The following BCAS3 variants were observed in gnomAD, a reference collection of about 807,000 sequenced individuals.
The protein encoded by BCAS3 is BCAS4/BCAS3 fusion.
BCAS3 carries 53 observed loss-of-function variants against 116.1 expected under a neutral mutation model. The observed-to-expected ratio is 0.46, with a 90% CI of 0.37 to 0.57. The LOEUF is 0.57. Ranked by LOEUF, BCAS3 falls within the 20% of genes least tolerant of loss-of-function variation. The pLI, the probability that BCAS3 is intolerant of heterozygous loss-of-function variation, is 0.00. For missense variants in BCAS3, 917 were observed against 1,165.4 expected (o/e 0.79, Z 3.10); for synonymous variants, 391 against 408.2 (o/e 0.96, Z 0.51).
rs550799438 is a variant in BCAS3 at position 61,228,665 on chromosome 17, A to G, written c.2426-139662A>G. Among the ~76,000 whole-genome samples the G allele has an allele frequency of 1.3e-5, 2 of 152,318 alleles. No homozygotes were observed. Among genetic ancestry groups the G allele is most frequent in the East Asian group, 3.9e-4 (2 of 5,188 alleles). On this transcript the variant is annotated intron_variant, in intron 22 of 23. Transcript: ENST00000407086. The surrounding 1 kb of genome is among the most constrained non-coding windows in gnomAD (Gnocchi z 5.0). Reference sequence around the variant, plus strand: ...AATCGTTTGGGGGCACCCTCAAGCTATGCCCATGTAAAACAGCAAACTTAA... The same window carrying G: ...AATCGTTTGGGGGCACCCTCAAGCTGTGCCCATGTAAAACAGCAAACTTAA...
intron 22 of BCAS3, among the ~76,000 whole-genome samples, chr17:61,254,029 A>T (rs775744827): frequency 3.9e-5 from 6 of 152,176 alleles, no homozygotes; most frequent in Non-Finnish European, 5.9e-5. Flanking sequence ...CCTTTCTTCT[A>T]CATCAGGCCC....
chr17:60,680,639 CTT>C (rs768865456), intron 2 of BCAS3, among the ~76,000 whole-genome samples: 21 of 142,658 alleles, frequency 1.5e-4, no homozygotes, highest in Admixed American at 2.1e-4. Flanking sequence ...GATATGTATA[CTT>C]TTTTTTTTTT....
In BCAS3 at chr17:61,141,686, A is replaced by C. The variant is rs1359350965; in HGVS notation, c.2425+57122A>C. On this transcript the variant is annotated intron_variant, in intron 22 of 23. Coordinates refer to ENST00000407086, the MANE Select transcript of BCAS3 (RefSeq NM_017679.5). This position sits in a 1 kb window ranked among gnomAD's most constrained non-coding sequence, Gnocchi z 4.3. Reference sequence around the variant, plus strand: ...GAGAGGCTGAGGTGGGCGGATCACGAGGTCAAGAGATCAAGACCATCCCGG... The same window carrying C: ...GAGAGGCTGAGGTGGGCGGATCACGCGGTCAAGAGATCAAGACCATCCCGG... Among the ~76,000 whole-genome samples the C allele has an allele frequency of 1.3e-5, 2 of 151,910 alleles. No individual in the cohort carries two copies. The highest frequency in any genetic ancestry group is 2.9e-5 in the Non-Finnish European group (2 of 67,950).
At chr17:60,730,426 A>G (rs768426241) in intron 5 of BCAS3, among the ~76,000 whole-genome samples, 1 of 152,186 alleles carries the variant, frequency 6.6e-6, no homozygotes, top group Non-Finnish European at 1.5e-5. Context: ...TATCTGTTCT[A>G]TAAGTTGTTA....
At chr17:61,312,798 G>A (rs756222382) in intron 22 of BCAS3, among the ~76,000 whole-genome samples, 43 of 152,294 alleles carry the variant, frequency 2.8e-4, no homozygotes, top group Non-Finnish European at 4.9e-4. Flanking sequence ...GATTGTCAGA[G>A]CGTGAGCTTC....
intron 22 of BCAS3, among the ~76,000 whole-genome samples, chr17:61,206,173 A>G (rs1312880409): frequency 6.6e-6 from 1 of 152,126 alleles, no homozygotes; most frequent in African/African-American, 2.4e-5. Flanking sequence ...TCTTGAGTGG[A>G]TGAATGAATA....
chr17:60,863,206 G>A (rs1443418241), intron 7 of BCAS3, among the ~76,000 whole-genome samples: 1 of 151,938 alleles, frequency 6.6e-6, no homozygotes, highest in Admixed American at 6.6e-5. Context: ...AAAATGAGTT[G>A]GCCATACAAA....
intron 5 of BCAS3, among the ~76,000 whole-genome samples, chr17:60,724,295 T>A (rs1371194432): frequency 6.6e-6 from 1 of 151,292 alleles, no homozygotes; most frequent in Non-Finnish European, 1.5e-5. Context: ...TGATGGTGTG[T>A]GCCTGTAATC....
chr17:61,184,374 G>A (rs2079644003), intron 22 of BCAS3, among the ~76,000 whole-genome samples: 1 of 151,914 alleles, frequency 6.6e-6, no homozygotes, highest in South Asian at 2.1e-4. Context: ...GACATGAAGA[G>A]TTGCTCTGTC....
Position 61,265,353 on chromosome 17 carries a change from G to A in BCAS3, c.2426-102974G>A, listed in dbSNP as rs887400895. On this transcript the variant is annotated intron_variant, in intron 22 of 23. Transcript: ENST00000407086. This position sits in a 1 kb window ranked among gnomAD's most constrained non-coding sequence, Gnocchi z 4.3. ...CGAGAGGCAGAGGTTGCAGTGAGCC[G>A]AGATCGCACCATTGCACTCCAGCCT... 3.3e-5 allele frequency among the ~76,000 whole-genome samples: 5 copies of A among 151,542 alleles called. No homozygotes were observed. Among genetic ancestry groups the A allele is most frequent in the Middle Eastern group, 3.2e-3 (1 of 316 alleles).
At chr17:61,295,530 G>C (rs1055538580) in intron 22 of BCAS3, among the ~76,000 whole-genome samples, 1 of 152,196 alleles carries the variant, frequency 6.6e-6, no homozygotes, top group Non-Finnish European at 1.5e-5. Context: ...CTGCTGCCAA[G>C]AGTGACAGTG....
intron 22 of BCAS3, among the ~76,000 whole-genome samples, chr17:61,230,867 C>T (rs1194493357): frequency 2.6e-5 from 4 of 151,998 alleles, no homozygotes; most frequent in Non-Finnish European, 2.9e-5. Flanking sequence ...GAGAACTCTC[C>T]GAACTGCTTT....
intron 17 of BCAS3, among the ~76,000 whole-genome samples, chr17:61,036,024 T>A (rs916555289): frequency 2.8e-4 from 43 of 152,326 alleles, no homozygotes; most frequent in African/African-American, 1.0e-3. Flanking sequence ...GTAGTTATTA[T>A]CTTTCTAATC....
rs2066894127 is a variant in BCAS3, at chr17:61,034,822, AT to A, written c.1762+35del. 1 of 1,564,620 alleles carries A rather than the reference AT, an allele frequency of 6.4e-7. No individual in the cohort carries two copies. Among genetic ancestry groups the A allele is most frequent in the Middle Eastern group, 1.7e-4 (1 of 5,824 alleles). On this transcript the variant is annotated intron_variant, in intron 17 of 23. Transcript: ENST00000407086. The surrounding 1 kb of genome is among the most constrained non-coding windows in gnomAD (Gnocchi z 5.0). The stretch of plus-strand genomic sequence containing the variant: ...ATTTTTACTGAAAAATGAATGCTCT[AT>A]TTGTAATTTTTGCTTCTTAAGGAAA...
intron 13 of BCAS3, among the ~76,000 whole-genome samples, chr17:60,938,002 A>G (rs972560817): frequency 2.0e-5 from 3 of 150,400 alleles, no homozygotes; most frequent in South Asian, 4.1e-4. Context: ...GACTTTTCCA[A>G]TTATATTTCT....
At chr17:61,253,840 G>A (rs557179162) in intron 22 of BCAS3, among the ~76,000 whole-genome samples, 1 of 152,074 alleles carries the variant, frequency 6.6e-6, no homozygotes, top group Admixed American at 6.5e-5. Flanking sequence ...ATTACAGTTC[G>A]GCCTCCACGG....
intron 12 of BCAS3, 144 bp from the exon 13 acceptor site, chr17:60,924,263 C>T: frequency 1.6e-6 from 1 of 638,630 alleles, no homozygotes; most frequent in South Asian, 2.1e-5. Flanking sequence ...AAGTGGAATT[C>T]TCTCCTTATA....
chr17:61,192,580 A>G (rs76410019), intron 22 of BCAS3, among the ~76,000 whole-genome samples: 8,092 of 152,272 alleles, frequency 0.053, 734 homozygotes, highest in African/African-American at 0.18. Context: ...ATGGAGTAAT[A>G]TACCAGAGTG....
At chr17:60,965,512 C>T (rs185258841) in intron 14 of BCAS3, among the ~76,000 whole-genome samples, 31 of 152,230 alleles carry the variant, frequency 2.0e-4, no homozygotes, top group African/African-American at 6.5e-4. Flanking sequence ...TGAGCCACCA[C>T]GCCCGGCCTA....
Sources: gnomAD v4.1 joint callset for allele counts (sites outside exome capture counted in the v4.1 genomes callset) on GRCh38, gnomAD v4.1.1 for gene constraint, Gnocchi (gnomAD v3.1) non-coding constraint, MANE v1.5 for transcripts, NCBI Gene and HGNC (gene_info 2026-07-23, HGNC 2026-07-21) for gene names.